CDH20: variants seen among roughly 807,000 people sequenced by gnomAD.
The protein encoded by CDH20 is cadherin-20.
CDH20 carries 29 observed loss-of-function variants against 74.2 expected under a neutral mutation model. That is an observed-to-expected ratio of 0.39 (90% confidence interval 0.29 to 0.53). The LOEUF (loss-of-function observed/expected upper bound fraction) is 0.53. Among genes scored for constraint, CDH20 ranks in the 20% least tolerant of loss-of-function variants. The probability of loss-of-function intolerance (pLI) is 0.69; values close to 1 mark genes in which losing one functional copy is unlikely to be tolerated. For synonymous variants in CDH20, 469 were observed against 405.4 expected (o/e 1.16, Z -1.88); for missense variants, 988 against 1,048.3 (o/e 0.94, Z 0.79).
At chr18:61,534,702 A>G (rs146973904) in intron 7 of CDH20, among the ~76,000 whole-genome samples, 409 of 152,350 alleles carry the variant, frequency 2.7e-3, no homozygotes, top group Non-Finnish European at 3.7e-3. Context: ...TCAAACTCAT[A>G]GAAGTAGAGA....
intron 1 of CDH20, among the ~76,000 whole-genome samples, chr18:61,392,883 CAG>C (rs1246477321): frequency 6.6e-6 from 1 of 151,688 alleles, no homozygotes; most frequent in African/African-American, 2.4e-5. Context: ...CTTCCCAAAT[CAG>C]AGACTCAGTG....
At chr18:61,499,128 T>A (rs1163163536) in intron 2 of CDH20, 58 bp from the exon 3 acceptor site, 3 of 1,328,456 alleles carry the variant, frequency 2.3e-6, no homozygotes, top group African/African-American at 2.9e-5. Flanking sequence ...TGAAAATCAA[T>A]GTGTTTTCTG....
intron 9 of CDH20, among the ~76,000 whole-genome samples, chr18:61,543,414 T>C (rs1372638313): frequency 6.6e-6 from 1 of 152,088 alleles, no homozygotes; most frequent in East Asian, 1.9e-4. Context: ...AGGAAACACA[T>C]ATGAAGGAGG....
intron 1 of CDH20, among the ~76,000 whole-genome samples, chr18:61,387,735 T>A (rs894500175): frequency 6.6e-6 from 1 of 152,196 alleles, no homozygotes; most frequent in Non-Finnish European, 1.5e-5. Flanking sequence ...TCAAGAGTTA[T>A]ACAGAGACAG....
At chr18:61,495,465 C>T (rs1478910693) in intron 2 of CDH20, among the ~76,000 whole-genome samples, 7 of 152,228 alleles carry the variant, frequency 4.6e-5, no homozygotes, top group Non-Finnish European at 1.0e-4. Context: ...CAACCATCTC[C>T]TCTCCCAGGT....
intron 1 of CDH20, among the ~76,000 whole-genome samples, chr18:61,365,613 T>C (rs1045364014): frequency 6.6e-6 from 1 of 152,170 alleles, no homozygotes; most frequent in African/African-American, 2.4e-5. Context: ...TTTAACCTTA[T>C]ATTTTAGTTG....
chr18:61,413,100 C>T (rs143332669), intron 1 of CDH20, among the ~76,000 whole-genome samples: 416 of 152,304 alleles, frequency 2.7e-3, no homozygotes, highest in Non-Finnish European at 4.2e-3. Flanking sequence ...ACCCCAACTA[C>T]CTAAAATGAA....
intron 1 of CDH20, among the ~76,000 whole-genome samples, chr18:61,423,162 G>A (rs895009885): frequency 6.6e-6 from 1 of 152,180 alleles, no homozygotes; most frequent in South Asian, 2.1e-4. Context: ...CGTCAAGTGT[G>A]GACCAGTAAG....
At chr18:61,544,157 T>C (rs980444375) in intron 9 of CDH20, among the ~76,000 whole-genome samples, 7 of 152,272 alleles carry the variant, frequency 4.6e-5, no homozygotes, top group South Asian at 2.1e-4. Flanking sequence ...ACGGGAGAGT[T>C]CCCTTATCCC....
At chr18:61,474,365 C>A (rs1910293510) in intron 1 of CDH20, among the ~76,000 whole-genome samples, 1 of 152,188 alleles carries the variant, frequency 6.6e-6, no homozygotes, top group South Asian at 2.1e-4. Context: ...TTGACCTTTT[C>A]TCCTCTTGCC....
intron 6 of CDH20, among the ~76,000 whole-genome samples, chr18:61,525,129 G>A (rs2144365097): frequency 1.3e-5 from 2 of 152,240 alleles, no homozygotes; most frequent in South Asian, 4.1e-4. Flanking sequence ...GGCACAGAGA[G>A]GGTCACGGGG....
intron 1 of CDH20, among the ~76,000 whole-genome samples, chr18:61,377,495 C>T (rs571887051): frequency 6.6e-6 from 1 of 150,442 alleles, no homozygotes; most frequent in East Asian, 2.0e-4. Flanking sequence ...AGCCTTCCTT[C>T]AGATTGTCCA....
At chr18:61,425,824 C>A (rs1913051769) in intron 1 of CDH20, among the ~76,000 whole-genome samples, 1 of 152,044 alleles carries the variant, frequency 6.6e-6, no homozygotes, top group Non-Finnish European at 1.5e-5. Context: ...TAAACAAAAA[C>A]CACCTGTTCC....
intron 3 of CDH20, 63 bp downstream of exon 3, chr18:61,499,543 CAT>C (rs1491080583): frequency 4.8e-5 from 58 of 1,207,846 alleles, no homozygotes; most frequent in Non-Finnish European, 6.5e-5. Context: ...CACACACACA[CAT>C]ATGCACATGC....
chr18:61,442,250 C>T (rs987457254), intron 1 of CDH20, among the ~76,000 whole-genome samples: 11 of 151,558 alleles, frequency 7.3e-5, no homozygotes, highest in African/African-American at 2.2e-4. Context: ...ACTTGGGAGA[C>T]TGAGGCAGGA....
intron 10 of CDH20, chr18:61,549,759 C>T: frequency 1.8e-6 from 1 of 550,022 alleles, no homozygotes; most frequent in Non-Finnish European, 3.2e-6. Flanking sequence ...AAGAGGCTTT[C>T]TCTTCTTAGG....
chr18:61,507,248 C>A, intron 5 of CDH20, 125 bp from the exon 6 acceptor site: 2 of 871,244 alleles, frequency 2.3e-6, no homozygotes, highest in Non-Finnish European at 3.6e-6. Flanking sequence ...TCTGTAAAAA[C>A]TCAAGTTTTA....
intron 1 of CDH20, among the ~76,000 whole-genome samples, chr18:61,434,441 G>A (rs1908760622): frequency 6.6e-6 from 1 of 152,106 alleles, no homozygotes; most frequent in Non-Finnish European, 1.5e-5. Flanking sequence ...TGCTAACTAA[G>A]TGCCAGACAC....
intron 2 of CDH20, among the ~76,000 whole-genome samples, chr18:61,491,550 A>G (rs987365516): frequency 5.3e-5 from 8 of 152,318 alleles, no homozygotes; most frequent in African/African-American, 1.9e-4. Context: ...GTGGGTTCAA[A>G]GCCCAGCCCT....
Sources: gnomAD v4.1 joint callset for allele counts (sites outside exome capture counted in the v4.1 genomes callset) on GRCh38, gnomAD v4.1.1 for gene constraint, MANE v1.5 for transcripts, NCBI Gene and HGNC (gene_info 2026-07-23, HGNC 2026-07-21) for gene names.